SFTPD: variants seen among roughly 807,000 people sequenced by gnomAD.
SFTPD encodes the protein surfactant protein D, also known as pulmonary surfactant-associated protein D.
SFTPD carries 18 observed loss-of-function variants against 34.6 expected under a neutral mutation model. The ratio of observed to expected loss-of-function variants is 0.52; its 90% CI spans 0.36 to 0.77. The LOEUF is 0.77. Ranked by LOEUF, SFTPD falls within the 30% of genes least tolerant of loss-of-function variation. The pLI, the probability that SFTPD is intolerant of heterozygous loss-of-function variation, is 0.00. For synonymous variants in SFTPD, 155 were observed against 180.9 expected (o/e 0.86, Z 1.15); for missense variants, 433 against 468.9 (o/e 0.92, Z 0.71).
At chr10:79,964,355 A>G (rs1009183115) in intron 1 of SFTPD, among the ~76,000 whole-genome samples, 1 of 152,224 alleles carries the variant, frequency 6.6e-6, no homozygotes, top group Non-Finnish European at 1.5e-5. Flanking sequence ...ATCAAAAGGC[A>G]TCAGATCCCA....
chr10:79,981,799 G>A, intron 1 of SFTPD: 1 of 180,002 alleles, frequency 5.6e-6, no homozygotes, highest in South Asian at 8.9e-5. Flanking sequence ...GGTGCCCGAC[G>A]CCCGGGGCGC....
intron 1 of SFTPD, among the ~76,000 whole-genome samples, chr10:79,962,514 C>A (rs1241504677): frequency 1.3e-5 from 2 of 151,852 alleles, no homozygotes; most frequent in African/African-American, 4.8e-5. Context: ...TTATTAATAG[C>A]TTTATAATTT....
intron 2 of SFTPD, among the ~76,000 whole-genome samples, chr10:79,943,485 A>G (rs1467959923): frequency 6.6e-6 from 1 of 152,078 alleles, no homozygotes; most frequent in African/African-American, 2.4e-5. Context: ...GCACTCACAC[A>G]CTCAGAGCTT....
chr10:79,964,773 G>T (rs1039652431), intron 1 of SFTPD, among the ~76,000 whole-genome samples: 1 of 151,972 alleles, frequency 6.6e-6, no homozygotes, highest in African/African-American at 2.4e-5. Flanking sequence ...ATTTGCCCCT[G>T]CCCAGGTCTG....
Position 79,946,493 on chromosome 10 carries a change from C to G in SFTPD, c.167G>C (p.Arg56Thr). The change falls in exon 2 of 8, where the codon AGA (arginine) becomes ACA (threonine). Residue 56 changes from arginine (R) to threonine (T), a missense_variant. Transcript: ENST00000372292. ...GLPGRDGRDGREGPRGEKGDP... is the reference protein window; with the variant it reads ...GLPGRDGRDGTEGPRGEKGDP... Reference sequence around the variant, plus strand: ...CCCCTTCTCGCCCCGAGGGCCCTCTCTCCCATCCCGTCCATCGCGACCAGG... The same window carrying G: ...CCCCTTCTCGCCCCGAGGGCCCTCTGTCCCATCCCGTCCATCGCGACCAGG... The G allele has an allele frequency of 6.2e-7, 1 of 1,614,120 alleles. No individual in the cohort carries two copies. The highest frequency in any genetic ancestry group is 2.2e-5 in the East Asian group (1 of 44,874).
chr10:79,961,398 C>G (rs903979125), intron 1 of SFTPD, among the ~76,000 whole-genome samples: 1 of 151,406 alleles, frequency 6.6e-6, no homozygotes, highest in African/African-American at 2.4e-5. Flanking sequence ...ACCTACTCAT[C>G]TGATAAAGGG....
At chr10:79,963,163 A>G (rs922826924) in intron 1 of SFTPD, among the ~76,000 whole-genome samples, 2 of 152,020 alleles carry the variant, frequency 1.3e-5, no homozygotes, top group African/African-American at 2.4e-5. Flanking sequence ...GGCAACATAG[A>G]GAGACCTTGT....
chr10:79,963,673 C>T (rs1842787568), intron 1 of SFTPD, among the ~76,000 whole-genome samples: 2 of 151,844 alleles, frequency 1.3e-5, no homozygotes, highest in South Asian at 4.2e-4. Context: ...CTCCTTTGTC[C>T]CTGTTTCTAT....
chr10:79,978,711 G>A (rs925961430), intron 1 of SFTPD, among the ~76,000 whole-genome samples: 1 of 146,426 alleles, frequency 6.8e-6, no homozygotes, highest in African/African-American at 2.5e-5. Context: ...CAAAATAAAG[G>A]CCTTATATGA....
chr10:79,952,324 A>G (rs1481223054), upstream of SFTPD, among the ~76,000 whole-genome samples: 1 of 152,190 alleles, frequency 6.6e-6, no homozygotes, highest in Non-Finnish European at 1.5e-5. Context: ...AGCTCCCAGT[A>G]GGGACAGCCA....
rs565516007 is a variant in SFTPD, at chr10:79,967,952, CT to C, written c.36+14622del. Among the ~76,000 whole-genome samples, 664 of 151,764 alleles carry C rather than the reference CT, an allele frequency of 4.4e-3. 8 individuals carry two copies. Among genetic ancestry groups the C allele is most frequent in the African/African-American group, 0.015 (621 of 41,346 alleles). ...CAAATCCTATAAAACAGCCCCACCC[CT>C]ATCTCCCTTCACTGACTCTCTTTTC... is the stretch of plus-strand genomic sequence containing the variant. On this transcript the variant is annotated intron_variant, in intron 1 of 5. Transcript: ENST00000444384.
chr10:79,953,592 A>T (rs1842723182), upstream of SFTPD, among the ~76,000 whole-genome samples: 1 of 152,066 alleles, frequency 6.6e-6, no homozygotes, highest in Admixed American at 6.5e-5. Flanking sequence ...GACTTTGGAC[A>T]AACTAATTAT....
chr10:79,945,539 G>C (rs907074899), intron 2 of SFTPD, among the ~76,000 whole-genome samples: 2 of 151,982 alleles, frequency 1.3e-5, no homozygotes, highest in Non-Finnish European at 2.9e-5. Context: ...CTCCTTTCTT[G>C]CCAGTAAGAC....
intron 1 of SFTPD, among the ~76,000 whole-genome samples, chr10:79,977,899 C>G (rs571647348): frequency 6.6e-6 from 1 of 152,084 alleles, no homozygotes; most frequent in African/African-American, 2.4e-5. Flanking sequence ...TGATACCTCA[C>G]ATCTTTCATT....
rs1321370852 is a variant in SFTPD, at chr10:79,949,049, AG to A, written c.-4+16del. On this transcript the variant is annotated intron_variant, in intron 1 of 7. Coordinates refer to ENST00000372292, the MANE Select transcript of SFTPD (RefSeq NM_003019.5). ...ATGTGGAGAAAATAAAAAGAAGGCA[AG>A]AACAGAGACACTTACAGGTTTCTTT... is the stretch of plus-strand genomic sequence containing the variant. The A allele has an allele frequency of 6.6e-6, 1 of 152,250 alleles. No homozygotes were observed. The highest frequency in any genetic ancestry group is 2.4e-5 in the African/African-American group (1 of 41,460). The allele number at this position is 152,250 out of a possible 1,614,324, so 9.4% of individuals were successfully genotyped here. A position where few individuals can be genotyped will look rare whatever the true frequency, so the allele number is the denominator to read the frequency against.
intron 1 of SFTPD, among the ~76,000 whole-genome samples, chr10:79,964,093 C>A (rs1400089693): frequency 1.3e-5 from 2 of 152,112 alleles, no homozygotes; most frequent in African/African-American, 2.4e-5. Flanking sequence ...ACTCTGCCCC[C>A]CTCCACTACC....
intron 1 of SFTPD, among the ~76,000 whole-genome samples, chr10:79,967,992 C>T (rs1842812483): frequency 6.6e-6 from 1 of 151,306 alleles, no homozygotes; most frequent in Admixed American, 6.6e-5. Context: ...CTCAGCCCAC[C>T]TGCGCCCAGG....
chr10:79,955,105 G>A (rs1462478153), intron 1 of SFTPD, among the ~76,000 whole-genome samples: 1 of 152,100 alleles, frequency 6.6e-6, no homozygotes, highest in Non-Finnish European at 1.5e-5. Context: ...GTCCCCTGGT[G>A]CCAATTTCTC....
At position 79,941,945 on chromosome 10, in the gene SFTPD, A is replaced by G; in HGVS notation, c.550+9T>C. On this transcript the variant is annotated intron_variant, in intron 5 of 7. Coordinates refer to ENST00000372292, the MANE Select transcript of SFTPD (RefSeq NM_003019.5). Reference sequence around the variant, plus strand: ...GACCCAGCCCAGCCCAGCTCTTTCCACTGCTCACCTGCTGCCCCTGTGTTT... The same window carrying G: ...GACCCAGCCCAGCCCAGCTCTTTCCGCTGCTCACCTGCTGCCCCTGTGTTT... 2 of 1,579,004 alleles carry G rather than the reference A, an allele frequency of 1.3e-6. No individual in the cohort carries two copies. The highest frequency in any genetic ancestry group is 4.5e-5 in the East Asian group (2 of 44,642).
Sources: allele counts gnomAD v4.1 joint callset (sites outside exome capture counted in the v4.1 genomes callset), GRCh38; gene constraint gnomAD v4.1.1; transcripts MANE v1.5; gene names NCBI Gene and HGNC (gene_info 2026-07-23, HGNC 2026-07-21).